Variants in COL17A1 observed in about 807,000 individuals in gnomAD.
The protein encoded by COL17A1 is collagen type XVII alpha 1 chain, also known as collagen alpha-1(XVII) chain.
COL17A1 carries 181 observed loss-of-function variants against 218.4 expected under a neutral mutation model. The observed-to-expected ratio is 0.83, with a 90% confidence interval of 0.73 to 0.94. COL17A1 has a LOEUF of 0.94. COL17A1 is among the 40% of genes least tolerant of loss of function. The pLI, the probability that COL17A1 is intolerant of heterozygous loss-of-function variation, is 0.00. For missense variants in COL17A1, 1,924 were observed against 1,945.9 expected, an observed-to-expected ratio of 0.99 and a Z score of 0.21; for synonymous variants, 721 against 731.0, an observed-to-expected ratio of 0.99 and a Z score of 0.22.
At chr10:104,075,027 G>T (rs2086698409) in intron 5 of COL17A1, among the ~76,000 whole-genome samples, 1 of 152,136 alleles carries the variant, frequency 6.6e-6, no homozygotes, top group Non-Finnish European at 1.5e-5. Context: ...CCTCAGCATT[G>T]CTGTATGTTC....
chr10:104,039,043 A>G (rs1038207451), intron 44 of COL17A1, 28 bp downstream of exon 44: 2 of 1,610,518 alleles, frequency 1.2e-6, no homozygotes, highest in African/African-American at 2.7e-5. Flanking sequence ...AGAAGTGGAG[A>G]GGAACTTTGG....
Position 104,055,841 on chromosome 10 carries a change from T to A in COL17A1, c.1628A>T (p.Asp543Val), listed in dbSNP as rs775405821. The A allele has an allele frequency of 5.0e-6, 8 of 1,614,120 alleles. No individual in the cohort carries two copies. In the African/African-American group the frequency reaches 9.3e-5, roughly 19 times the overall value. The change falls in exon 18 of 56, where the codon GAC (aspartate) becomes GTC (valine). Residue 543 changes from aspartate to valine, a missense_variant. Physicochemically the swap from Asp to Val is radical, Grantham distance 152. Coordinates refer to ENST00000648076, the MANE Select transcript of COL17A1 (RefSeq NM_000494.4). ...GAACATCCAGAGCTCCTCCTGGCTG[T>A]CACTGTGCAGCCCAATTTTGTCCAG... ...ADLDKIGLHSDSQEELWMFVR... is the reference protein window; with the variant it reads ...ADLDKIGLHSVSQEELWMFVR...
chr10:104,063,656 T>C, intron 11 of COL17A1, 91 bp downstream of exon 11: 1 of 1,572,634 alleles, frequency 6.4e-7, no homozygotes, highest in Non-Finnish European at 8.7e-7. Flanking sequence ...GCAGTATGCA[T>C]GGAAGAAAGG....
chr10:104,052,114 C>T, intron 24 of COL17A1, 41 bp downstream of exon 24: 1 of 1,613,822 alleles, frequency 6.2e-7, no homozygotes, highest in Non-Finnish European at 8.5e-7. Context: ...TGTGGCTTCT[C>T]CTCTGGAAAA....
chr10:104,077,411 T>C lies in COL17A1; in HGVS notation c.202+11A>G, dbSNP rs1227043559. On this transcript the variant is annotated intron_variant, in intron 4 of 55. Transcript: ENST00000648076. The stretch of plus-strand genomic sequence containing the variant: ...ATTCTTCCCTGACCTCTTGCACTAG[T>C]GGGCACTCACTTGAGTTTATGTAGC... 1 of 1,605,882 alleles carries C rather than the reference T, an allele frequency of 6.2e-7. No individual in the cohort carries two copies.
chr10:104,072,324 C>G (rs1221637962), intron 7 of COL17A1, among the ~76,000 whole-genome samples: 1 of 152,180 alleles, frequency 6.6e-6, no homozygotes, highest in Non-Finnish European at 1.5e-5. Flanking sequence ...AATAAAATTC[C>G]AGGCTGAGCA....
At chr10:104,064,946 C>T (rs1049358663) in intron 9 of COL17A1, among the ~76,000 whole-genome samples, 1 of 152,202 alleles carries the variant, frequency 6.6e-6, no homozygotes, top group African/African-American at 2.4e-5. Flanking sequence ...CCTCCATCTT[C>T]AAAGACGCTG....
chr10:104,080,957 AG>A (rs1222797090), intron 1 of COL17A1, among the ~76,000 whole-genome samples: 2 of 152,242 alleles, frequency 1.3e-5, no homozygotes, highest in South Asian at 4.1e-4. Context: ...GAGCATCAAG[AG>A]GCTTACATAG....
intron 47 of COL17A1, 69 bp from the exon 48 acceptor site, chr10:104,036,701 A>G: frequency 6.3e-7 from 1 of 1,578,478 alleles, no homozygotes. Flanking sequence ...ATCCAGCCAC[A>G]GCCTGGGCTC....
At position 104,036,649 on chromosome 10, in the gene COL17A1, G is replaced by A. The variant is rs1425070820; in HGVS notation, c.3278-17C>T. The A allele has an allele frequency of 6.2e-7, 1 of 1,612,860 alleles. No homozygotes were observed. Among genetic ancestry groups the A allele is most frequent in the Admixed American group, 1.7e-5 (1 of 59,954 alleles). On this transcript the variant is annotated splice_polypyrimidine_tract_variant and intron_variant, in intron 47 of 55. Coordinates refer to ENST00000648076, the MANE Select transcript of COL17A1 (RefSeq NM_000494.4). ...CGTCATCCCCTGGAGAGGAGAGGAT[G>A]CACTAGCAGGACCCACCCAGGCCAT...
In COL17A1 at chr10:104,060,230, A is replaced by G. The variant is rs1265882409; in HGVS notation, c.1030T>C (p.Phe344Leu). The G allele has an allele frequency of 1.2e-6, 2 of 1,614,156 alleles. No individual in the cohort carries two copies. The highest frequency in any genetic ancestry group is 1.3e-5 in the African/African-American group (1 of 75,022). Residue 344 changes from phenylalanine (F) to leucine (L), a missense_variant, in exon 14 of 56, where the codon TTC becomes CTC. By Grantham distance (22) the Phe-to-Leu change is conservative (BLOSUM62 0). Transcript: ENST00000648076. Reference protein sequence around the residue: ...SDDLLHKDCKFLILEKDNTPA... With the variant: ...SDDLLHKDCKLLILEKDNTPA... ...GTGTTGTCTTTCTCTAGGATCAGGA[A>G]CTTGCAGTCCTTGTGCAAAAGGTCA... is the stretch of plus-strand genomic sequence containing the variant.
intron 32 of COL17A1, 135 bp from the exon 33 acceptor site, chr10:104,045,928 TC>T: frequency 1.3e-6 from 1 of 775,332 alleles, no homozygotes; most frequent in Non-Finnish European, 2.3e-6. Flanking sequence ...AGCTTTGCCT[TC>T]CGCCTTAGTC....
At chr10:104,043,034 T>C (rs1006070226) in intron 35 of COL17A1, among the ~76,000 whole-genome samples, 2 of 152,232 alleles carry the variant, frequency 1.3e-5, no homozygotes, top group Admixed American at 6.5e-5. Context: ...GAAGTTTTCA[T>C]ATTTTTGTCA....
chr10:104,051,406 A>G, intron 25 of COL17A1, 75 bp downstream of exon 25: 5 of 1,564,728 alleles, frequency 3.2e-6, no homozygotes, highest in Non-Finnish European at 3.5e-6. Context: ...GGCTTTAAAA[A>G]TATTTGGTTT....
At chr10:104,062,128 T>G in intron 12 of COL17A1, 130 bp downstream of exon 12, 9 of 1,380,466 alleles carry the variant, frequency 6.5e-6, no homozygotes, top group Non-Finnish European at 9.2e-6. Flanking sequence ...ATTGATATCT[T>G]GAGTGTTGTG....
intron 12 of COL17A1, among the ~76,000 whole-genome samples, chr10:104,061,701 T>C (rs963400217): frequency 1.3e-5 from 2 of 152,188 alleles, no homozygotes; most frequent in South Asian, 4.1e-4. Context: ...TAGACCCCCA[T>C]GCATCTCCTT....
chr10:104,060,145 G>A lies in COL17A1; in HGVS notation c.1115C>T (p.Thr372Ile), dbSNP rs902000988. Residue 372 changes from threonine to isoleucine, a missense_variant, in exon 14 of 56, where the codon ACA becomes ATA. Physicochemically the swap from Thr to Ile is moderately conservative, Grantham distance 89. Transcript: ENST00000648076. ...IMTKDSGKVF[T>I]ASPASIAATS... is the part of the protein sequence containing the mutation. The stretch of plus-strand genomic sequence containing the variant: ...TGCAGCGATGCTGGCAGGGGAGGCT[G>A]TAAAGACCTTCCCGCTGTCCTTGGT... 19 of 1,614,054 alleles carry A rather than the reference G, an allele frequency of 1.2e-5. No homozygotes were observed. The East Asian group carries it at 2.0e-4, about 17-fold the overall frequency.
At position 104,055,020 on chromosome 10, in the gene COL17A1, A is replaced by G. The variant is rs752813062; in HGVS notation, c.1718-13T>C. ...CTTCCCATGTCACCTGAAACCAGAA[A>G]GATATGAAAACTGTGAGATGGGGCA... On this transcript the variant is annotated splice_polypyrimidine_tract_variant and intron_variant, in intron 19 of 55. Coordinates refer to ENST00000648076, the MANE Select transcript of COL17A1 (RefSeq NM_000494.4). The G allele has an allele frequency of 1.9e-6, 3 of 1,614,028 alleles. No individual in the cohort carries two copies. The African/African-American group carries it at 4.0e-5, about 22-fold the overall frequency.
At chr10:104,061,533 C>T in intron 12 of COL17A1, 60 bp from the exon 13 acceptor site, 1 of 1,487,184 alleles carries the variant, frequency 6.7e-7, no homozygotes, top group South Asian at 1.2e-5. Flanking sequence ...CAGGAGAAGC[C>T]TGATCAGCCC....
Sources: allele counts gnomAD v4.1 joint callset (sites outside exome capture counted in the v4.1 genomes callset), GRCh38; gene constraint gnomAD v4.1.1; transcripts MANE v1.5; gene names NCBI Gene and HGNC (gene_info 2026-07-23, HGNC 2026-07-21).